The following TRPM3 variants were observed in gnomAD, a reference collection of about 807,000 sequenced individuals.
The protein encoded by TRPM3 is long transient receptor potential channel 3.
In TRPM3, 77 loss-of-function variants were observed where a neutral mutation model predicts 181.2. That is an observed-to-expected ratio of 0.42 (90% CI 0.35 to 0.51). The LOEUF (loss-of-function observed/expected upper bound fraction) is 0.51, where lower values mean the gene tolerates loss of function less well. Ranked by LOEUF, TRPM3 falls within the 20% of genes least tolerant of loss-of-function variation. TRPM3 has a pLI of 0.01. For synonymous variants in TRPM3, 745 were observed against 796.4 expected, an observed-to-expected ratio of 0.94 and a Z score of 1.09; for missense variants, 1,759 against 2,196.7, an observed-to-expected ratio of 0.80 and a Z score of 3.98.
Position 71,374,174 on chromosome 9 carries a change from G to A in TRPM3, c.183+72479C>T, listed in dbSNP as rs1362939858. 7.2e-5 allele frequency among the ~76,000 whole-genome samples: 11 copies of A among 152,070 alleles called. No homozygotes were observed. The East Asian group carries it at 1.9e-3, about 27-fold the overall frequency. ...GCAGATCACCTGAGGTCAGGAGTTC[G>A]AGACCAGCCTGGCCCATGGTGAAAC... On this transcript the variant is annotated intron_variant, in intron 1 of 24. Transcript: ENST00000357533.
intron 1 of TRPM3, among the ~76,000 whole-genome samples, chr9:71,127,316 C>CACACACACACACACACA (rs1565253257): frequency 6.7e-5 from 10 of 149,296 alleles, no homozygotes; most frequent in South Asian, 2.1e-4. Context: ...CACACACACA[C>CACACACACACACACACA]CCCTGAACTG....
chr9:70,831,987 A>ATATATT (rs2093958162), intron 5 of TRPM3, among the ~76,000 whole-genome samples: 7 of 127,142 alleles, frequency 5.5e-5, no homozygotes, highest in African/African-American at 1.2e-4. Flanking sequence ...ATATATATAT[A>ATATATT]TATATATATA....
At chr9:70,970,090 T>C (rs2097226471) in intron 1 of TRPM3, among the ~76,000 whole-genome samples, 1 of 152,126 alleles carries the variant, frequency 6.6e-6, no homozygotes, top group East Asian at 1.9e-4. Context: ...TGCAACAAAT[T>C]ATTTACTGTA....
At chr9:71,326,099 C>T (rs2089664058) in intron 1 of TRPM3, among the ~76,000 whole-genome samples, 1 of 152,168 alleles carries the variant, frequency 6.6e-6, no homozygotes, top group Admixed American at 6.5e-5. Flanking sequence ...ATTTTTACTT[C>T]TTAGATTTGA....
In TRPM3 at chr9:70,861,934, G is replaced by A. The variant is rs139786111; in HGVS notation, c.462+974C>T. On this transcript the variant is annotated intron_variant, in intron 3 of 25. Coordinates refer to ENST00000677713, the MANE Select transcript of TRPM3 (RefSeq NM_001366145.2). ...GTGGTAAAGAAATTACTGCAGTGGC[G>A]GGGGTGGGGGGCAGGGAAAGGGGAA... Among the ~76,000 whole-genome samples, 94 of 151,750 alleles carry A rather than the reference G, an allele frequency of 6.2e-4. 1 individual carries two copies. In the East Asian group the frequency reaches 0.011, roughly 18 times the overall value.
chr9:70,573,272 T>C (rs990596913), intron 22 of TRPM3, among the ~76,000 whole-genome samples: 4 of 152,194 alleles, frequency 2.6e-5, no homozygotes, highest in African/African-American at 9.6e-5. Context: ...TTCCAAAATG[T>C]TGAACAACTC....
intron 1 of TRPM3, among the ~76,000 whole-genome samples, chr9:71,032,007 A>AT (rs1565022249): frequency 0.57 from 928 of 1,626 alleles, 345 homozygotes; most frequent in Middle Eastern, 1. Context: ...ATAATTATAT[A>AT]ATATATAATA....
At chr9:71,418,836 G>T (rs2093680283) in intron 1 of TRPM3, among the ~76,000 whole-genome samples, 1 of 125,762 alleles carries the variant, frequency 8.0e-6, no homozygotes, top group African/African-American at 2.8e-5. Flanking sequence ...TATCCTTTGA[G>T]ATACTATATA....
Position 70,549,416 on chromosome 9 carries a change from A to G in TRPM3, c.3707+126T>C, listed in dbSNP as rs2131811021. On this transcript the variant is annotated intron_variant, in intron 25 of 25. Transcript: ENST00000677713. ...AATGTTCTGTTCTCTCATAAGCTCCATGATTTCTCAGACAATAAAAACAAA... is the reference window on the plus strand; with the variant it reads ...AATGTTCTGTTCTCTCATAAGCTCCGTGATTTCTCAGACAATAAAAACAAA... 6 of 1,275,530 alleles carry G rather than the reference A, an allele frequency of 4.7e-6. No homozygotes were observed. The East Asian group carries it at 7.2e-5, about 15-fold the overall frequency. The allele number at this position is 1,275,530 out of a possible 1,614,324, so 79.0% of individuals were successfully genotyped here. A position where few individuals can be genotyped will look rare whatever the true frequency, so the allele number is the denominator to read the frequency against.
intron 1 of TRPM3, among the ~76,000 whole-genome samples, chr9:71,270,855 C>G (rs955800475): frequency 1.3e-5 from 2 of 152,152 alleles, no homozygotes; most frequent in African/African-American, 4.8e-5. Context: ...AACCAGTCAA[C>G]ATGTCATGAA....
intron 7 of TRPM3, among the ~76,000 whole-genome samples, chr9:70,781,766 C>T (rs1468429968): frequency 6.6e-6 from 1 of 151,948 alleles, no homozygotes; most frequent in African/African-American, 2.4e-5. Context: ...CTAGGTCCCA[C>T]CCAGTTCTAA....
chr9:71,182,813 C>T (rs1420654547), intron 1 of TRPM3, among the ~76,000 whole-genome samples: 1 of 152,048 alleles, frequency 6.6e-6, no homozygotes, highest in African/African-American at 2.4e-5. Context: ...AGGCACGCAT[C>T]ACCACTCTCA....
chr9:70,698,216 A>G (rs1167866459), intron 8 of TRPM3, among the ~76,000 whole-genome samples: 3 of 151,166 alleles, frequency 2.0e-5, no homozygotes, highest in Admixed American at 2.0e-4. Flanking sequence ...TCAAAAAAAA[A>G]AAAAAAAGAA....
At chr9:70,863,755 A>T (rs2095577619) in intron 2 of TRPM3, among the ~76,000 whole-genome samples, 1 of 152,142 alleles carries the variant, frequency 6.6e-6, no homozygotes, top group Admixed American at 6.6e-5. Context: ...AATAGTTACA[A>T]TATGTAGCTG....
chr9:71,225,072 C>T (rs1299667087), intron 1 of TRPM3, among the ~76,000 whole-genome samples: 1 of 151,988 alleles, frequency 6.6e-6, no homozygotes, highest in Non-Finnish European at 1.5e-5. Flanking sequence ...ATGTCCCAAA[C>T]CTATAGAAGG....
chr9:71,378,711 A>T (rs1434649051), intron 1 of TRPM3, among the ~76,000 whole-genome samples: 1 of 152,076 alleles, frequency 6.6e-6, no homozygotes, highest in East Asian at 1.9e-4. Flanking sequence ...TTGATTTTGA[A>T]CAATGCCTTT....
intron 1 of TRPM3, among the ~76,000 whole-genome samples, chr9:71,194,180 C>A (rs1404362695): frequency 6.6e-6 from 1 of 151,830 alleles, no homozygotes; most frequent in Non-Finnish European, 1.5e-5. Context: ...TTATAGATCA[C>A]AGAAATTTTC....
chr9:71,396,973 A>C (rs1237759884), intron 1 of TRPM3, among the ~76,000 whole-genome samples: 1 of 152,008 alleles, frequency 6.6e-6, no homozygotes, highest in Non-Finnish European at 1.5e-5. Context: ...CTCAAAAAAA[A>C]AAAAAAAAAT....
chr9:71,421,791 T>C (rs1373556519), intron 1 of TRPM3, among the ~76,000 whole-genome samples: 1 of 152,008 alleles, frequency 6.6e-6, no homozygotes, highest in Non-Finnish European at 1.5e-5. Context: ...TGTTAAGTAT[T>C]TGTGCTTCTA....
Sources: gnomAD v4.1 joint callset for allele counts (sites outside exome capture counted in the v4.1 genomes callset) on GRCh38, gnomAD v4.1.1 for gene constraint, MANE v1.5 for transcripts, NCBI Gene and HGNC (gene_info 2026-07-23, HGNC 2026-07-21) for gene names.